SUPT7L: variants seen among roughly 807,000 people sequenced by gnomAD.
SUPT7L encodes the protein STAGA complex 65 subunit gamma.
SUPT7L carries 15 observed loss-of-function variants against 35.7 expected under a neutral mutation model. The observed-to-expected ratio is 0.42, with a 90% CI of 0.28 to 0.65. The LOEUF (loss-of-function observed/expected upper bound fraction) is 0.65. Among genes scored for constraint, SUPT7L ranks in the 30% least tolerant of loss-of-function variants. SUPT7L has a pLI of 0.23. For missense variants in SUPT7L, 434 were observed against 522.2 expected, an observed-to-expected ratio of 0.83 and a Z score of 1.65; for synonymous variants, 168 against 186.2, an observed-to-expected ratio of 0.90 and a Z score of 0.79.
chr2:27,658,604 T>C (rs1674907320), intron 3 of SUPT7L, among the ~76,000 whole-genome samples: 2 of 152,268 alleles, frequency 1.3e-5, no homozygotes, highest in Admixed American at 1.3e-4. Flanking sequence ...TCATTTTTCC[T>C]TGGTTCGTAC....
At chr2:27,646,408 C>T (rs991920096), downstream of SUPT7L, among the ~76,000 whole-genome samples, 18 of 152,274 alleles carry the variant, frequency 1.2e-4, no homozygotes, top group South Asian at 4.1e-4. Context: ...TTTTCTGGAC[C>T]GTTACATCTT....
intron 5 of SUPT7L, among the ~76,000 whole-genome samples, chr2:27,654,752 G>A (rs1674710980): frequency 6.6e-6 from 1 of 152,256 alleles, no homozygotes. Flanking sequence ...ATTTTTAGTA[G>A]AGACAGGATT....
downstream of SUPT7L, among the ~76,000 whole-genome samples, chr2:27,646,707 C>A (rs1033497360): frequency 6.6e-6 from 1 of 151,876 alleles, no homozygotes; most frequent in Admixed American, 6.6e-5. Context: ...ATAAATTGTA[C>A]ATTTATTTTT....
rs1675216759 is a variant in SUPT7L, at chr2:27,663,425, C to T, written c.-186G>A. ...GGTCCGCCGGCGCAGGCGCCAATCA[C>T]AGGGTCCTGAGGTCGCCTGACGTTC... On this transcript the variant is annotated 5_prime_UTR_variant, in exon 1 of 6. The change creates a new upstream start codon in the 5' untranslated region. Transcript: ENST00000337768. The T allele has an allele frequency of 8.0e-6, 2 of 248,554 alleles. No homozygotes were observed. The highest frequency in any genetic ancestry group is 1.6e-5 in the Non-Finnish European group (2 of 125,710). The allele number at this position is 248,554 out of a possible 1,614,324, so 15.4% of individuals were successfully genotyped here. A position where few individuals can be genotyped will look rare whatever the true frequency, so the allele number is the denominator to read the frequency against.
At chr2:27,660,080 T>C (rs1674975006) in intron 3 of SUPT7L, among the ~76,000 whole-genome samples, 1 of 152,136 alleles carries the variant, frequency 6.6e-6, no homozygotes, top group Non-Finnish European at 1.5e-5. Context: ...ACAAATCTCC[T>C]GGAGATCTTG....
downstream of SUPT7L, among the ~76,000 whole-genome samples, chr2:27,647,259 TTCTC>T (rs559830831): frequency 1.2e-3 from 188 of 152,340 alleles, no homozygotes; most frequent in African/African-American, 4.3e-3. Flanking sequence ...TTGATTAGAC[TTCTC>T]TCTGATTACT....
chr2:27,656,678 G>A (rs1204634785), intron 4 of SUPT7L, among the ~76,000 whole-genome samples: 2 of 151,626 alleles, frequency 1.3e-5, no homozygotes, highest in African/African-American at 2.4e-5. Context: ...TGTCACCCAG[G>A]TTGGAGTGCA....
chr2:27,661,983 A>G, intron 2 of SUPT7L, 196 bp downstream of exon 2: 1 of 702,344 alleles, frequency 1.4e-6, no homozygotes, highest in Non-Finnish European at 2.3e-6. Context: ...TGACATATAG[A>G]ACGTGAGAGA....
downstream of SUPT7L, chr2:27,647,755 C>A: frequency 2.5e-6 from 2 of 799,552 alleles, no homozygotes; most frequent in Non-Finnish European, 2.2e-6. Flanking sequence ...TTTCATCCTG[C>A]CAGTTTATGA....
intron 2 of SUPT7L, chr2:27,661,961 G>T: frequency 1.6e-6 from 1 of 636,360 alleles, no homozygotes; most frequent in Non-Finnish European, 2.7e-6. Flanking sequence ...ATGGCATTAT[G>T]CTTTCAACTT....
chr2:27,643,568 G>A, the SUPT7L span, among the ~76,000 whole-genome samples: 1 of 152,136 alleles, frequency 6.6e-6, no homozygotes, highest in Admixed American at 6.5e-5. The surrounding 1 kb of genome is among the most constrained non-coding windows in gnomAD (Gnocchi z 4.0). Flanking sequence ...CATGATAGCA[G>A]GAGAAAATCT....
chr2:27,663,597 T>G lies in SUPT7L; in HGVS notation c.-358A>C, dbSNP rs1318977929. On this transcript the variant is annotated 5_prime_UTR_variant, in exon 1 of 6. Coordinates refer to ENST00000337768, the MANE Select transcript of SUPT7L (RefSeq NM_014860.3). ...GATCGCGTCAGACCCCGAAAGCTGG[T>G]TTGTTGATTAGTGATCTAAGACCGC... 2 of 667,382 alleles carry G rather than the reference T, an allele frequency of 3.0e-6. No individual in the cohort carries two copies. The highest frequency in any genetic ancestry group is 5.1e-6 in the Non-Finnish European group (2 of 394,558). The allele number at this position is 667,382 out of a possible 1,614,324, so 41.3% of individuals were successfully genotyped here.
chr2:27,655,891 A>G (rs771475167), intron 4 of SUPT7L, among the ~76,000 whole-genome samples: 6 of 152,180 alleles, frequency 3.9e-5, no homozygotes, highest in Non-Finnish European at 7.3e-5. Flanking sequence ...TTGGCTATAA[A>G]AATTAACAGT....
In SUPT7L at chr2:27,655,533, G is replaced by T. The variant is rs1489378385; in HGVS notation, c.814C>A (p.Pro272Thr). ...ACAGGTTCCTCCTTGATCTTCACAG[G>T]TTTAGCGTCCTCTGTGGCCTTCTCA... ...NPEKATEDAKPVKIKEEPVSD... is the reference protein window; with the variant it reads ...NPEKATEDAKTVKIKEEPVSD... Residue 272 changes from proline to threonine, a missense_variant, in exon 5 of 6, where the codon CCT (proline) becomes ACT (threonine). By Grantham distance (38) the Pro-to-Thr change is conservative (BLOSUM62 -1). Around this residue, in one of 3 missense-constraint regions of SUPT7L, gnomAD observed 159 missense variants for 217.1 expected, o/e 0.73. Coordinates refer to ENST00000337768, the MANE Select transcript of SUPT7L (RefSeq NM_014860.3). 6.2e-7 allele frequency: 1 copy of T among 1,613,940 alleles called. No homozygotes were observed. Among genetic ancestry groups the T allele is most frequent in the Non-Finnish European group, 8.5e-7 (1 of 1,179,960 alleles).
At chr2:27,654,652 C>T (rs971390593) in intron 5 of SUPT7L, among the ~76,000 whole-genome samples, 34 of 152,028 alleles carry the variant, frequency 2.2e-4, no homozygotes, top group Non-Finnish European at 4.1e-4. Context: ...CTGCAAGCTC[C>T]GCCTCCTGGG....
chr2:27,655,115 T>C (rs1327337977), intron 5 of SUPT7L, among the ~76,000 whole-genome samples: 2 of 152,210 alleles, frequency 1.3e-5, no homozygotes, highest in African/African-American at 2.4e-5. Flanking sequence ...TGACAACACA[T>C]TGCATCTACA....
In SUPT7L at chr2:27,657,654, AG is replaced by A. The variant is rs1322371940; in HGVS notation, c.434del (p.Pro145LeufsTer2). 4 of 1,611,828 alleles carry A rather than the reference AG, an allele frequency of 2.5e-6. No individual in the cohort carries two copies. Among genetic ancestry groups the A allele is most frequent in the Non-Finnish European group, 3.4e-6 (4 of 1,178,490 alleles). ...ESDFYRGKGEPVTELSWHSCR... is the reference protein window; with the variant it reads ...ESDFYRGKGEXVTELSWHSCR... ...AGGAGTGCCAGCTGAGTTCAGTCAC[AG>A]GTTCCCCTTTCCCACTGAAAGTGGA... is the stretch of plus-strand genomic sequence containing the variant. On this transcript the variant is annotated frameshift_variant, in exon 4 of 6. Transcript: ENST00000337768. LOFTEE classifies it high-confidence loss of function. The surrounding 1 kb of genome is among the most constrained non-coding windows in gnomAD (Gnocchi z 5.2).
At position 27,653,421 on chromosome 2, in the gene SUPT7L, C is replaced by T; in HGVS notation, c.*64G>A. The stretch of plus-strand genomic sequence containing the variant: ...AAATCAATTTTTAAGGAAACAGATT[C>T]TAATACAAAAACCTTTTCTGTTGGG... On this transcript the variant is annotated 3_prime_UTR_variant, in exon 6 of 6. Transcript: ENST00000337768. 1 of 1,543,434 alleles carries T rather than the reference C, an allele frequency of 6.5e-7. No individual in the cohort carries two copies. The highest frequency in any genetic ancestry group is 1.2e-5 in the South Asian group (1 of 81,820).
downstream of SUPT7L, chr2:27,650,320 A>G (rs542690336): frequency 1.9e-5 from 11 of 568,444 alleles, no homozygotes; most frequent in African/African-American, 1.9e-4. Flanking sequence ...TCAGAGTAGC[A>G]AAGTTTCTCT....
Sources: gnomAD v4.1 joint callset for allele counts (sites outside exome capture counted in the v4.1 genomes callset) on GRCh38, gnomAD v4.1.1 for gene constraint, gnomAD v4.1.1 regional missense constraint, Gnocchi (gnomAD v3.1) non-coding constraint, MANE v1.5 for transcripts, NCBI Gene and HGNC (gene_info 2026-07-23, HGNC 2026-07-21) for gene names.